The following TTC7B variants were observed in gnomAD, a reference collection of about 807,000 sequenced individuals.
TTC7B encodes the protein tetratricopeptide repeat protein 7B.
TTC7B carries 28 observed loss-of-function variants against 106.8 expected under a neutral mutation model. The ratio of observed to expected loss-of-function variants is 0.26; its 90% confidence interval spans 0.19 to 0.36. The LOEUF (loss-of-function observed/expected upper bound fraction) is 0.36, where lower values mean the gene tolerates loss of function less well. Ranked by LOEUF, TTC7B falls within the 10% of genes least tolerant of loss-of-function variation. The pLI, the probability that TTC7B is intolerant of heterozygous loss-of-function variation, is 1.00. For synonymous variants in TTC7B, 405 were observed against 430.6 expected (o/e 0.94, Z 0.74); for missense variants, 862 against 1,076.4 (o/e 0.80, Z 2.79).
chr14:90,704,329 C>T (rs1627758), intron 5 of TTC7B, among the ~76,000 whole-genome samples: 50,116 of 152,100 alleles, frequency 0.33, 8,614 homozygotes, highest in Middle Eastern at 0.39. Context: ...CCGGTTTCTA[C>T]GATGTACTAC....
intron 19 of TTC7B, among the ~76,000 whole-genome samples, chr14:90,543,761 T>G (rs1278344486): frequency 6.6e-6 from 1 of 152,222 alleles, no homozygotes; most frequent in Non-Finnish European, 1.5e-5. Context: ...CTCTTTCAAA[T>G]CTCATCTTAA....
At chr14:90,571,939 C>G (rs994464811) in intron 19 of TTC7B, among the ~76,000 whole-genome samples, 3 of 152,144 alleles carry the variant, frequency 2.0e-5, no homozygotes, top group African/African-American at 7.2e-5. Context: ...TGGAGGAGCC[C>G]CCTGGGAAGT....
chr14:90,800,327 A>T (rs554938340), intron 1 of TTC7B, among the ~76,000 whole-genome samples: 1 of 152,284 alleles, frequency 6.6e-6, no homozygotes, highest in East Asian at 1.9e-4. Context: ...AAGGTGAAAG[A>T]TTAAACTGGA....
intron 6 of TTC7B, 50 bp from the exon 7 acceptor site, chr14:90,689,762 GTCAT>G: frequency 6.3e-7 from 1 of 1,578,896 alleles, no homozygotes; most frequent in South Asian, 1.1e-5. Context: ...TCTTGTATTA[GTCAT>G]TCATTCAGTC....
chr14:90,751,207 T>C (rs760988810), intron 3 of TTC7B, among the ~76,000 whole-genome samples: 2 of 151,828 alleles, frequency 1.3e-5, no homozygotes, highest in Non-Finnish European at 2.9e-5. Context: ...ACAAAAAGGG[T>C]GGAAATTCAG....
intron 6 of TTC7B, among the ~76,000 whole-genome samples, chr14:90,693,705 A>G (rs566308966): frequency 6.6e-6 from 1 of 152,316 alleles, no homozygotes; most frequent in African/African-American, 2.4e-5. Context: ...TAAAAAGATA[A>G]TAACAACTGT....
chr14:90,696,143 G>C (rs557888480), intron 5 of TTC7B, among the ~76,000 whole-genome samples: 2 of 152,126 alleles, frequency 1.3e-5, no homozygotes, highest in Non-Finnish European at 2.9e-5. Flanking sequence ...AGGGTCAGAG[G>C]CCCCTTCTGA....
chr14:90,800,166 C>T (rs2030167004), intron 1 of TTC7B, among the ~76,000 whole-genome samples: 1 of 152,118 alleles, frequency 6.6e-6, no homozygotes, highest in Admixed American at 6.6e-5. Context: ...TCTGTCAGCC[C>T]TGTGGAGAAT....
intron 5 of TTC7B, chr14:90,698,226 G>C (rs1887839969): frequency 6.6e-6 from 1 of 152,140 alleles, no homozygotes; most frequent in African/African-American, 2.4e-5. Context: ...AAGGAAAAAT[G>C]TTCAAGTACA....
At chr14:90,556,346 G>T (rs928723011) in intron 19 of TTC7B, among the ~76,000 whole-genome samples, 1 of 152,150 alleles carries the variant, frequency 6.6e-6, no homozygotes, top group Admixed American at 6.5e-5. Context: ...CTTTGAGGCA[G>T]TGAGTTTTAG....
intron 3 of TTC7B, among the ~76,000 whole-genome samples, chr14:90,745,252 C>T (rs1260049048): frequency 6.8e-6 from 1 of 146,374 alleles, no homozygotes; most frequent in Non-Finnish European, 1.5e-5. Flanking sequence ...GCCATGACTG[C>T]ACCACTGCAC....
At chr14:90,615,356 G>A (rs1893026684) in intron 16 of TTC7B, among the ~76,000 whole-genome samples, 1 of 152,190 alleles carries the variant, frequency 6.6e-6, no homozygotes, top group Non-Finnish European at 1.5e-5. Flanking sequence ...TGGGAAGACT[G>A]GGAAACTGGC....
At chr14:90,734,740 C>G (rs1889455112) in intron 4 of TTC7B, among the ~76,000 whole-genome samples, 1 of 151,982 alleles carries the variant, frequency 6.6e-6, no homozygotes, top group Non-Finnish European at 1.5e-5. Flanking sequence ...GGCTAAGGAC[C>G]TGTGTCCTCA....
chr14:90,642,904 C>A (rs1885244764), intron 15 of TTC7B, among the ~76,000 whole-genome samples: 1 of 151,814 alleles, frequency 6.6e-6, no homozygotes, highest in African/African-American at 2.4e-5. Flanking sequence ...TAGTGGAAGC[C>A]CTCAGTAACT....
chr14:90,805,562 G>A lies in TTC7B; in HGVS notation c.121+10613C>T, dbSNP rs1057092345. 3.9e-5 allele frequency among the ~76,000 whole-genome samples: 6 copies of A among 152,160 alleles called. No homozygotes were observed. The highest frequency in any genetic ancestry group is 2.6e-4 in the Admixed American group (4 of 15,280). Reference sequence around the variant, plus strand: ...ATTGCAGGCATGAGCCACCGCGCCCGGCCTAAACCTCACCTCTATCTGCAA... The same window carrying A: ...ATTGCAGGCATGAGCCACCGCGCCCAGCCTAAACCTCACCTCTATCTGCAA... On this transcript the variant is annotated intron_variant, in intron 1 of 19. Transcript: ENST00000328459. The surrounding 1 kb of genome is among the most constrained non-coding windows in gnomAD (Gnocchi z 4.0).
intron 5 of TTC7B, among the ~76,000 whole-genome samples, chr14:90,706,255 C>T (rs972542889): frequency 6.6e-6 from 1 of 151,632 alleles, no homozygotes; most frequent in South Asian, 2.1e-4. Context: ...CTCCACCTCC[C>T]GGGTTCACAC....
chr14:90,807,456 T>C lies in TTC7B; in HGVS notation c.121+8719A>G, dbSNP rs2030675533. ...GAGTCCCTAAACCACTAAGACCTCC[T>C]GAAGCAGAAGCTCAGGCCCAGCCTG... On this transcript the variant is annotated intron_variant, in intron 1 of 19. Transcript: ENST00000328459. The surrounding 1 kb of genome is among the most constrained non-coding windows in gnomAD (Gnocchi z 4.1). Among the ~76,000 whole-genome samples, 1 of 152,190 alleles carries C rather than the reference T, an allele frequency of 6.6e-6. No homozygotes were observed. Among genetic ancestry groups the C allele is most frequent in the Admixed American group, 6.5e-5 (1 of 15,272 alleles).
At chr14:90,809,477 A>G (rs1286313) in intron 1 of TTC7B, among the ~76,000 whole-genome samples, 114,730 of 152,178 alleles carry the variant, frequency 0.75, 43,519 homozygotes, top group Middle Eastern at 0.83. Flanking sequence ...TGGGAGTCCG[A>G]GCTGGAAGAC....
chr14:90,786,335 AAACAAAGTGAG>A lies in TTC7B; in HGVS notation c.122-18_122-8del, dbSNP rs1241811246. 5.0e-6 allele frequency: 8 copies of A among 1,613,078 alleles called. No individual in the cohort carries two copies. The highest frequency in any genetic ancestry group is 5.9e-6 in the Non-Finnish European group (7 of 1,179,792). On this transcript the variant is annotated splice_region_variant and splice_polypyrimidine_tract_variant and intron_variant, in intron 1 of 19. Coordinates refer to ENST00000328459, the MANE Select transcript of TTC7B (RefSeq NM_001010854.2). ...AGAAGCTCTGCCATGTCATCTACAA[AAACAAAGTGAG>A]AACAAAGTGGGAGCAAGGAATGGCC...
Sources: allele counts gnomAD v4.1 joint callset (sites outside exome capture counted in the v4.1 genomes callset), GRCh38; gene constraint gnomAD v4.1.1; non-coding constraint Gnocchi (gnomAD v3.1); transcripts MANE v1.5; gene names NCBI Gene and HGNC (gene_info 2026-07-23, HGNC 2026-07-21).